The following ANXA3 variants were observed in gnomAD, a reference collection of about 807,000 sequenced individuals.
The protein encoded by ANXA3 is 35-alpha calcimedin.
ANXA3 carries 46 observed loss-of-function variants against 48.8 expected under a neutral mutation model. The observed-to-expected ratio is 0.94, with a 90% CI of 0.74 to 1.21. The LOEUF (loss-of-function observed/expected upper bound fraction) is 1.21, where lower values mean the gene tolerates loss of function less well. ANXA3 is among the 50% of genes most tolerant of loss of function. The pLI is 0.00. For synonymous variants in ANXA3, 128 were observed against 134.7 expected, an observed-to-expected ratio of 0.95 and a Z score of 0.35; for missense variants, 383 against 378.6, an observed-to-expected ratio of 1.01 and a Z score of -0.10.
chr4:78,576,544 G>T (rs1423294954), intron 3 of ANXA3, among the ~76,000 whole-genome samples: 1 of 152,096 alleles, frequency 6.6e-6, no homozygotes, highest in African/African-American at 2.4e-5. Context: ...TAATCCTTCT[G>T]CCTTGTCCTC....
intron 2 of ANXA3, among the ~76,000 whole-genome samples, chr4:78,563,977 CTT>C (rs1263181184): frequency 3.9e-5 from 6 of 152,160 alleles, no homozygotes; most frequent in African/African-American, 1.4e-4. Context: ...GTCAAGAACT[CTT>C]AACTAGGTTA....
chr4:78,556,043 ATC>A (rs1305691743), intron 2 of ANXA3, among the ~76,000 whole-genome samples: 1 of 152,134 alleles, frequency 6.6e-6, no homozygotes, highest in Non-Finnish European at 1.5e-5. Context: ...TTTTGGCAAT[ATC>A]TCTCAGTCCT....
rs1028296932 is a variant in ANXA3 at position 78,586,680 on chromosome 4, C to T, written c.403+330C>T. ...ACTCAAATCGTATTTTATTTTTAGG[C>T]GTTAGAAATCACTCAGATTAGATCC... On this transcript the variant is annotated intron_variant, in intron 6 of 12. Coordinates refer to ENST00000264908, the MANE Select transcript of ANXA3 (RefSeq NM_005139.3). Among the ~76,000 whole-genome samples, 8 of 152,182 alleles carry T rather than the reference C, an allele frequency of 5.3e-5. 1 individual carries two copies. The highest frequency in any genetic ancestry group is 1.7e-4 in the African/African-American group (7 of 41,530).
intron 7 of ANXA3, among the ~76,000 whole-genome samples, chr4:78,592,748 T>A (rs1395762073): frequency 6.6e-6 from 1 of 152,172 alleles, no homozygotes; most frequent in Non-Finnish European, 1.5e-5. Context: ...TAGGGTGTTA[T>A]GAAGATTAAG....
At chr4:78,583,823 A>C (rs879743356) in intron 5 of ANXA3, among the ~76,000 whole-genome samples, 46 of 152,226 alleles carry the variant, frequency 3.0e-4, no homozygotes, top group Non-Finnish European at 6.0e-4. Flanking sequence ...TGATTGGATC[A>C]GGTCTGCCGA....
At chr4:78,596,441 A>C (rs1387436524) in intron 9 of ANXA3, among the ~76,000 whole-genome samples, 1 of 152,244 alleles carries the variant, frequency 6.6e-6, no homozygotes, top group Non-Finnish European at 1.5e-5. Flanking sequence ...GGAAGCAACA[A>C]CACCTAGAAA....
At chr4:78,601,664 T>A in intron 11 of ANXA3, 96 bp downstream of exon 11, 1 of 1,025,672 alleles carries the variant, frequency 9.7e-7, no homozygotes, top group Non-Finnish European at 1.5e-6. Flanking sequence ...TTAGTTATTT[T>A]AATGTAATTT....
intron 2 of ANXA3, among the ~76,000 whole-genome samples, chr4:78,572,456 A>G (rs2109931925): frequency 6.6e-6 from 1 of 152,314 alleles, no homozygotes; most frequent in South Asian, 2.1e-4. Context: ...CAGAGTTATT[A>G]CTCAAATCAA....
Position 78,595,797 on chromosome 4 carries a change from CT to C in ANXA3, c.545del (p.Leu182ProfsTer22), listed in dbSNP as rs1723412096. ...EHLAKQDAQI[L>X]YKAGENRWGT... ...AATATCATTCTCTTGTGAATAGATT[CT>C]CTATAAAGCTGGTGAGAACAGATGG... On this transcript the variant is annotated frameshift_variant, in exon 9 of 13. Transcript: ENST00000264908. LOFTEE classifies it high-confidence loss of function. The C allele has an allele frequency of 6.3e-7, 1 of 1,589,502 alleles. No individual in the cohort carries two copies. The highest frequency in any genetic ancestry group is 8.6e-7 in the Non-Finnish European group (1 of 1,158,574).
intron 12 of ANXA3, among the ~76,000 whole-genome samples, chr4:78,607,995 A>G (rs1408356149): frequency 6.6e-6 from 1 of 152,202 alleles, no homozygotes; most frequent in East Asian, 1.9e-4. Flanking sequence ...GGGAATATTG[A>G]GAAATAAAAT....
chr4:78,576,807 G>A (rs553763779), intron 3 of ANXA3, among the ~76,000 whole-genome samples: 1 of 152,078 alleles, frequency 6.6e-6, no homozygotes, highest in East Asian at 1.9e-4. Context: ...TTTGCATTAG[G>A]GATGGGTCAG....
chr4:78,585,922 T>C (rs1164914385), intron 5 of ANXA3, among the ~76,000 whole-genome samples: 1 of 152,220 alleles, frequency 6.6e-6, no homozygotes, highest in Non-Finnish European at 1.5e-5. Flanking sequence ...TAGAGCCTTT[T>C]CTAAACATAG....
chr4:78,597,189 A>T, intron 9 of ANXA3, 130 bp from the exon 10 acceptor site: 4 of 626,614 alleles, frequency 6.4e-6, no homozygotes. Flanking sequence ...CTGTGCCCAG[A>T]TTTTCATGGT....
intron 8 of ANXA3, 34 bp downstream of exon 8, chr4:78,595,471 C>G: frequency 6.2e-7 from 1 of 1,606,160 alleles, no homozygotes; most frequent in South Asian, 1.1e-5. Context: ...TTTCCTTTAC[C>G]TATTCTCCTA....
intron 2 of ANXA3, among the ~76,000 whole-genome samples, chr4:78,563,451 G>A (rs1408676850): frequency 6.6e-6 from 1 of 152,092 alleles, no homozygotes; most frequent in African/African-American, 2.4e-5. Context: ...ATGATTGGGC[G>A]ATGGGATCTC....
rs570504054 is a variant in ANXA3, at chr4:78,593,454, A to G, written c.483+1831A>G. Reference sequence around the variant, plus strand: ...TGACCTCAATCAATCCACCCGCCTCAGCCTCCCAAAGTGCTGGGATTACAG... The same window carrying G: ...TGACCTCAATCAATCCACCCGCCTCGGCCTCCCAAAGTGCTGGGATTACAG... On this transcript the variant is annotated intron_variant, in intron 7 of 12. Transcript: ENST00000264908. Among the ~76,000 whole-genome samples the G allele has an allele frequency of 1.1e-3, 171 of 150,988 alleles. 2 individuals carry two copies. The highest frequency in any genetic ancestry group is 4.0e-3 in the African/African-American group (165 of 41,160).
chr4:78,557,131 G>A (rs1010293357), intron 2 of ANXA3, among the ~76,000 whole-genome samples: 7 of 152,112 alleles, frequency 4.6e-5, no homozygotes, highest in African/African-American at 1.7e-4. Context: ...TGTAGTTGTC[G>A]AATTGAGTTC....
intron 6 of ANXA3, among the ~76,000 whole-genome samples, chr4:78,588,354 C>T (rs1020436910): frequency 6.6e-6 from 1 of 152,158 alleles, no homozygotes; most frequent in Admixed American, 6.5e-5. Flanking sequence ...GATCATGCCA[C>T]TGCACTCCAG....
At chr4:78,568,971 A>G (rs1715850302) in intron 2 of ANXA3, among the ~76,000 whole-genome samples, 1 of 152,260 alleles carries the variant, frequency 6.6e-6, no homozygotes, top group Admixed American at 6.5e-5. Flanking sequence ...CAGTTTCATC[A>G]TCTGTGAAAA....
Sources: gnomAD v4.1 joint callset for allele counts (sites outside exome capture counted in the v4.1 genomes callset) on GRCh38, gnomAD v4.1.1 for gene constraint, MANE v1.5 for transcripts, NCBI Gene and HGNC (gene_info 2026-07-23, HGNC 2026-07-21) for gene names.